KICS2: variants seen among roughly 807,000 people sequenced by gnomAD.
KICS2 encodes KICSTOR subunit 2.
A neutral mutation model predicts 31.4 loss-of-function variants in KICS2; 13 were observed. The observed-to-expected ratio is 0.41, with a 90% CI of 0.27 to 0.66. The LOEUF is 0.66. Ranked by LOEUF, KICS2 falls within the 30% of genes least tolerant of loss-of-function variation. KICS2 has a pLI of 0.28. For missense variants in KICS2, 455 were observed against 545.4 expected, an observed-to-expected ratio of 0.83 and a Z score of 1.65; for synonymous variants, 209 against 214.8, an observed-to-expected ratio of 0.97 and a Z score of 0.24.
intron 2 of KICS2, among the ~76,000 whole-genome samples, chr12:64,207,663 A>G (rs2037551064): frequency 6.6e-6 from 1 of 152,170 alleles, no homozygotes. Context: ...GAATGAACAC[A>G]TGTGGAGCAG....
chr12:64,188,950 G>A, downstream of KICS2, among the ~76,000 whole-genome samples: 1 of 152,038 alleles, frequency 6.6e-6, no homozygotes, highest in East Asian at 1.9e-4. Context: ...GTCAAGAGAT[G>A]GAGACCATCC....
downstream of KICS2, chr12:64,187,520 C>T (rs148078400): frequency 1.2e-3 from 1,128 of 963,084 alleles, 7 homozygotes; most frequent in African/African-American, 0.011. Flanking sequence ...TACGGATTTA[C>T]ACCATATCAA....
chr12:64,216,589 C>T (rs982617377), intron 1 of KICS2, among the ~76,000 whole-genome samples: 3 of 152,130 alleles, frequency 2.0e-5, no homozygotes, highest in Admixed American at 2.0e-4. Flanking sequence ...AATCTTAGCA[C>T]TCTTGACAAG....
intron 2 of KICS2, among the ~76,000 whole-genome samples, chr12:64,215,227 G>A (rs995542198): frequency 6.6e-6 from 1 of 151,988 alleles, no homozygotes; most frequent in African/African-American, 2.4e-5. Context: ...CAGGAGAATT[G>A]CTTGAACCCA....
Position 64,192,573 on chromosome 12 carries a change from A to G in KICS2, c.*1269T>C. 1.0e-6 allele frequency: 1 copy of G among 982,736 alleles called. No homozygotes were observed. The highest frequency in any genetic ancestry group is 1.7e-5 in the African/African-American group (1 of 57,276). The allele number at this position is 982,736 out of a possible 1,614,324, so 60.9% of individuals were successfully genotyped here. On this transcript the variant is annotated 3_prime_UTR_variant, in exon 3 of 3. Coordinates refer to ENST00000398055, the MANE Select transcript of KICS2 (RefSeq NM_152440.5). ...GTGGCTCCACACAATCATGGGAAAA[A>G]AGACGAATATGACCATTACATTTCA...
At chr12:64,202,616 A>T (rs2037500466) in intron 2 of KICS2, among the ~76,000 whole-genome samples, 1 of 148,364 alleles carries the variant, frequency 6.7e-6, no homozygotes, top group African/African-American at 2.5e-5. Flanking sequence ...ATATATATAG[A>T]TATTTTCTAA....
intron 1 of KICS2, among the ~76,000 whole-genome samples, chr12:64,217,997 G>A (rs2037646253): frequency 6.6e-6 from 1 of 152,202 alleles, no homozygotes; most frequent in Admixed American, 6.5e-5. Context: ...AAGCCATCCT[G>A]GACTGCATGT....
At chr12:64,215,077 G>A (rs1032172144) in intron 2 of KICS2, among the ~76,000 whole-genome samples, 4 of 151,828 alleles carry the variant, frequency 2.6e-5, no homozygotes, top group Non-Finnish European at 5.9e-5. Flanking sequence ...AGGTGAAGAC[G>A]GGTGGATCAC....
At chr12:64,195,000 A>G (rs2037420414) in intron 2 of KICS2, among the ~76,000 whole-genome samples, 1 of 150,798 alleles carries the variant, frequency 6.6e-6, no homozygotes, top group African/African-American at 2.4e-5. Context: ...CTGGAGTGCA[A>G]TTGTACAATC....
chr12:64,218,715 A>G (rs1246313489), intron 1 of KICS2, among the ~76,000 whole-genome samples: 4 of 152,172 alleles, frequency 2.6e-5, no homozygotes, highest in African/African-American at 9.7e-5. Context: ...AGAAAAAAAA[A>G]AAAGGATACC....
rs1183012557 is a variant in KICS2 at position 64,191,221 on chromosome 12, T to A, written c.*2621A>T. The A allele has an allele frequency of 6.6e-6, 1 of 152,062 alleles. No individual in the cohort carries two copies. Among genetic ancestry groups the A allele is most frequent in the Non-Finnish European group, 1.5e-5 (1 of 68,048 alleles). 9.4% of individuals were successfully genotyped at this position (152,062 alleles called of 1,614,324 possible). ...TGGAGTTTTTATAATTAGAAAACTT[T>A]ATTGAAGAGCTTCAGAAATAATTTA... On this transcript the variant is annotated 3_prime_UTR_variant, in exon 3 of 3. Coordinates refer to ENST00000398055, the MANE Select transcript of KICS2 (RefSeq NM_152440.5).
intron 2 of KICS2, among the ~76,000 whole-genome samples, chr12:64,206,967 GTGAATA>G (rs1444092627): frequency 6.6e-6 from 1 of 152,072 alleles, no homozygotes; most frequent in African/African-American, 2.4e-5. Flanking sequence ...ACAAAAGACT[GTGAATA>G]TACTTAACAC....
intron 2 of KICS2, among the ~76,000 whole-genome samples, chr12:64,196,995 G>T (rs2037446980): frequency 7.5e-6 from 1 of 132,648 alleles, no homozygotes; most frequent in Non-Finnish European, 1.6e-5. Flanking sequence ...GAAAGTGATG[G>T]GGAGAATGGA....
In KICS2 at chr12:64,193,681, C is replaced by T; in HGVS notation, c.*161G>A. 7.0e-7 allele frequency: 1 copy of T among 1,427,320 alleles called. No homozygotes were observed. The highest frequency in any genetic ancestry group is 9.1e-7 in the Non-Finnish European group (1 of 1,096,172). The allele number at this position is 1,427,320 out of a possible 1,614,324, so 88.4% of individuals were successfully genotyped here. A position where few individuals can be genotyped will look rare whatever the true frequency, so the allele number is the denominator to read the frequency against. ...CTCTTTGGAAACTTAATTCAATTGG[C>T]CTTAATTGCTTATAAAGTGTGCAAC... On this transcript the variant is annotated 3_prime_UTR_variant, in exon 3 of 3. Coordinates refer to ENST00000398055, the MANE Select transcript of KICS2 (RefSeq NM_152440.5).
In KICS2 at chr12:64,193,832, A is replaced by C; in HGVS notation, c.*10T>G. 1 of 1,606,776 alleles carries C rather than the reference A, an allele frequency of 6.2e-7. No individual in the cohort carries two copies. The highest frequency in any genetic ancestry group is 1.7e-4 in the Middle Eastern group (1 of 6,010). On this transcript the variant is annotated 3_prime_UTR_variant, in exon 3 of 3. Transcript: ENST00000398055. ...TTCTAGTCTTGAAACCCCTCCACGC[A>C]AATCACCTGCTAACCTTTGGCTCCA... is the stretch of plus-strand genomic sequence containing the variant.
downstream of KICS2, chr12:64,187,562 A>G (rs1277860335): frequency 7.2e-7 from 1 of 1,392,442 alleles, no homozygotes; most frequent in Admixed American, 2.0e-5. Context: ...ATGCACATCA[A>G]GCCTATTTCT....
At chr12:64,208,806 A>G (rs1026633845) in intron 2 of KICS2, among the ~76,000 whole-genome samples, 32 of 152,276 alleles carry the variant, frequency 2.1e-4, no homozygotes, top group African/African-American at 7.5e-4. Flanking sequence ...TATTATTGCC[A>G]TACCGTAGAG....
At chr12:64,199,732 G>T (rs1189944171) in intron 2 of KICS2, among the ~76,000 whole-genome samples, 2 of 130,170 alleles carry the variant, frequency 1.5e-5, no homozygotes, top group Non-Finnish European at 1.6e-5. Flanking sequence ...ATCTCCTTAA[G>T]CTGATAAGCA....
Position 64,215,625 on chromosome 12 carries a change from T to C in KICS2, c.521+53A>G, listed in dbSNP as rs1024859667. ...AGTGTGGAGAAAAACTCTGAGCTTG[T>C]GTGGGATTGATAGGACAGCCACGCT... On this transcript the variant is annotated intron_variant, in intron 2 of 2. Coordinates refer to ENST00000398055, the MANE Select transcript of KICS2 (RefSeq NM_152440.5). 7 of 1,474,858 alleles carry C rather than the reference T, an allele frequency of 4.7e-6. No individual in the cohort carries two copies. The African/African-American group carries it at 7.0e-5, about 15-fold the overall frequency. 91.4% of individuals were successfully genotyped at this position (1,474,858 alleles called of 1,614,324 possible).
Sources: gnomAD v4.1 joint callset for allele counts (sites outside exome capture counted in the v4.1 genomes callset) on GRCh38, gnomAD v4.1.1 for gene constraint, MANE v1.5 for transcripts, NCBI Gene and HGNC (gene_info 2026-07-23, HGNC 2026-07-21) for gene names.